Variants in SIK2 observed in about 807,000 individuals in gnomAD.
The protein encoded by SIK2 is serine/threonine-protein kinase SIK2.
SIK2 carries 29 observed loss-of-function variants against 103.2 expected under a neutral mutation model. That is an observed-to-expected ratio of 0.28 (90% CI 0.21 to 0.38). The LOEUF (loss-of-function observed/expected upper bound fraction) is 0.38. SIK2 is among the 10% of genes least tolerant of loss of function. SIK2 has a pLI of 1.00. For missense variants in SIK2, 879 were observed against 1,171.0 expected (o/e 0.75, Z 3.64); for synonymous variants, 412 against 446.1 (o/e 0.92, Z 0.96).
chr11:111,671,624 C>T (rs1942628753), intron 3 of SIK2: 3 of 348,030 alleles, frequency 8.6e-6, no homozygotes, highest in Non-Finnish European at 1.7e-5. Flanking sequence ...CTGTCCATGT[C>T]CAGGGAGCAG....
In SIK2 at chr11:111,728,716, C is replaced by G. The variant is rs558324121; in HGVS notation, c.*4587C>G. On this transcript the variant is annotated 3_prime_UTR_variant, in exon 15 of 15. Coordinates refer to ENST00000304987, the MANE Select transcript of SIK2 (RefSeq NM_015191.3). ...GGCCAAGGCAGGCGGATCACGAGGTCAGGAGATTGAGACCATCCTAACACA... is the reference window on the plus strand; with the variant it reads ...GGCCAAGGCAGGCGGATCACGAGGTGAGGAGATTGAGACCATCCTAACACA... 3 of 152,286 alleles carry G rather than the reference C, an allele frequency of 2.0e-5. No individual in the cohort carries two copies. In the South Asian group the frequency reaches 6.2e-4, roughly 32 times the overall value. The allele number at this position is 152,286 out of a possible 1,614,324, so 9.4% of individuals were successfully genotyped here.
chr11:111,708,916 C>T (rs1241047098), intron 8 of SIK2, among the ~76,000 whole-genome samples: 8 of 152,154 alleles, frequency 5.3e-5, no homozygotes, highest in Admixed American at 2.0e-4. Flanking sequence ...GGCCTAACCA[C>T]TTGTTTTTAA....
intron 4 of SIK2, among the ~76,000 whole-genome samples, chr11:111,692,269 T>G (rs967770823): frequency 9.8e-5 from 14 of 142,146 alleles, no homozygotes; most frequent in African/African-American, 3.7e-4. Context: ...GAGAATTGCT[T>G]GAACCCAGGA....
intron 3 of SIK2, among the ~76,000 whole-genome samples, chr11:111,661,324 G>C (rs1942464701): frequency 6.6e-6 from 1 of 152,192 alleles, no homozygotes; most frequent in African/African-American, 2.4e-5. Context: ...TGCTAACAGA[G>C]AGAAGCCACA....
intron 4 of SIK2, among the ~76,000 whole-genome samples, chr11:111,691,077 C>A (rs1942932203): frequency 6.6e-6 from 1 of 152,176 alleles, no homozygotes; most frequent in Non-Finnish European, 1.5e-5. Context: ...CAGAATATTG[C>A]TTTGACGTTA....
chr11:111,705,144 T>C lies in SIK2; in HGVS notation c.1101+5T>C. The C allele has an allele frequency of 6.4e-7, 1 of 1,560,834 alleles. No homozygotes were observed. Among genetic ancestry groups the C allele is most frequent in the Non-Finnish European group, 8.6e-7 (1 of 1,163,082 alleles). On this transcript the variant is annotated splice_donor_5th_base_variant and intron_variant, in intron 8 of 14. Transcript: ENST00000304987. The surrounding 1 kb of genome is among the most constrained non-coding windows in gnomAD (Gnocchi z 4.3). ...GCTGAGCAAACAGTTGCCAAGGTAA[T>C]GCCCCCTTAGCTGAGAGTCTTATCT...
intron 4 of SIK2, among the ~76,000 whole-genome samples, chr11:111,692,388 A>AAAAAAAAAAAAAC (rs1942967737): frequency 9.0e-6 from 1 of 110,914 alleles, no homozygotes. Flanking sequence ...AAAAAAAAAA[A>AAAAAAAAAAAAAC]CACAAAAAGG....
intron 3 of SIK2, among the ~76,000 whole-genome samples, chr11:111,675,409 A>C (rs1942690188): frequency 6.6e-6 from 1 of 152,212 alleles, no homozygotes; most frequent in African/African-American, 2.4e-5. Context: ...CAGTATTTCA[A>C]CCCTGTCAAT....
Position 111,725,611 on chromosome 11 carries a change from G to GTGTT in SIK2, c.*1483_*1486dup, listed in dbSNP as rs2135985393. The GTGTT allele has an allele frequency of 6.5e-6, 1 of 152,804 alleles. No individual in the cohort carries two copies. Among genetic ancestry groups the GTGTT allele is most frequent in the East Asian group, 1.9e-4 (1 of 5,190 alleles). 9.5% of individuals were successfully genotyped at this position (152,804 alleles called of 1,614,324 possible). ...TGGCTTGTCCCATCAGCAGATGAAT[G>GTGTT]TGTTAAGCACAAAGCATCTTCCTTA... is the stretch of plus-strand genomic sequence containing the variant. On this transcript the variant is annotated 3_prime_UTR_variant, in exon 15 of 15. Transcript: ENST00000304987.
chr11:111,611,692 G>T (rs1051827642), intron 1 of SIK2, among the ~76,000 whole-genome samples: 3 of 152,012 alleles, frequency 2.0e-5, no homozygotes, highest in African/African-American at 7.2e-5. Context: ...TAAATTTATT[G>T]AAAGTTTTTT....
intron 9 of SIK2, among the ~76,000 whole-genome samples, chr11:111,713,416 CTT>C (rs1398156010): frequency 1.3e-5 from 2 of 152,152 alleles, no homozygotes; most frequent in African/African-American, 2.4e-5. Flanking sequence ...TAACAAAACT[CTT>C]TGAACCTCAG....
intron 3 of SIK2, among the ~76,000 whole-genome samples, chr11:111,633,824 C>T (rs1458947647): frequency 2.0e-5 from 3 of 152,138 alleles, no homozygotes. Context: ...CTTGGTCTGG[C>T]AGCATGGAAT....
intron 3 of SIK2, among the ~76,000 whole-genome samples, chr11:111,633,748 A>G (rs1942068999): frequency 6.6e-6 from 1 of 152,180 alleles, no homozygotes; most frequent in Non-Finnish European, 1.5e-5. Flanking sequence ...TATGCATTTA[A>G]CCTGGGTAAC....
At position 111,726,215 on chromosome 11, in the gene SIK2, G is replaced by T. The variant is rs1037558208; in HGVS notation, c.*2086G>T. 2.6e-5 allele frequency: 4 copies of T among 152,198 alleles called. No homozygotes were observed. The highest frequency in any genetic ancestry group is 9.7e-5 in the African/African-American group (4 of 41,444). 9.4% of individuals were successfully genotyped at this position (152,198 alleles called of 1,614,324 possible). Reference sequence around the variant, plus strand: ...ATTAAAATGCCTGCAGATTGAAAATGGGGGCCACTCATTTCAGAACTGCAG... The same window carrying T: ...ATTAAAATGCCTGCAGATTGAAAATTGGGGCCACTCATTTCAGAACTGCAG... On this transcript the variant is annotated 3_prime_UTR_variant, in exon 15 of 15. Coordinates refer to ENST00000304987, the MANE Select transcript of SIK2 (RefSeq NM_015191.3).
chr11:111,602,497 A>G lies in SIK2; in HGVS notation c.-67A>G. On this transcript the variant is annotated 5_prime_UTR_variant, in exon 1 of 15. Transcript: ENST00000304987. The surrounding 1 kb of genome is among the most constrained non-coding windows in gnomAD (Gnocchi z 4.5). The stretch of plus-strand genomic sequence containing the variant: ...AAGCGGAGCGGCCGTCGCCCAAGCC[A>G]AGCCGCGCTGCCAACCCTCCCGCCC... 2.1e-6 allele frequency: 3 copies of G among 1,399,588 alleles called. No individual in the cohort carries two copies. The highest frequency in any genetic ancestry group is 2.8e-6 in the Non-Finnish European group (3 of 1,078,950). The allele number at this position is 1,399,588 out of a possible 1,614,324, so 86.7% of individuals were successfully genotyped here.
In SIK2 at chr11:111,727,258, G is replaced by T; in HGVS notation, c.*3129G>T. 1.7e-6 allele frequency: 1 copy of T among 597,560 alleles called. No homozygotes were observed. Among genetic ancestry groups the T allele is most frequent in the Non-Finnish European group, 3.0e-6 (1 of 335,170 alleles). The allele number at this position is 597,560 out of a possible 1,614,324, so 37.0% of individuals were successfully genotyped here. ...GGGAGAGCATCAGGGCCCACCAGGG[G>T]AGTGGGGATGGGGCTCAGGGGCTGT... On this transcript the variant is annotated 3_prime_UTR_variant, in exon 15 of 15. Transcript: ENST00000304987.
At chr11:111,642,074 C>T (rs1290762749) in intron 3 of SIK2, among the ~76,000 whole-genome samples, 2 of 152,208 alleles carry the variant, frequency 1.3e-5, no homozygotes, top group Non-Finnish European at 2.9e-5. Flanking sequence ...TGTTTTCCTA[C>T]ACTTTTGCCA....
chr11:111,644,490 C>T (rs917834798), intron 3 of SIK2, among the ~76,000 whole-genome samples: 1 of 151,878 alleles, frequency 6.6e-6, no homozygotes, highest in Non-Finnish European at 1.5e-5. Context: ...CTGCATCCCA[C>T]CTTTCAACTG....
intron 10 of SIK2, 127 bp downstream of exon 10, chr11:111,720,130 G>T: frequency 1.1e-6 from 1 of 930,140 alleles, no homozygotes. Flanking sequence ...TTATGGATTA[G>T]ATTCAGCAGG....
Sources: allele counts gnomAD v4.1 joint callset (sites outside exome capture counted in the v4.1 genomes callset), GRCh38; gene constraint gnomAD v4.1.1; non-coding constraint Gnocchi (gnomAD v3.1); transcripts MANE v1.5; gene names NCBI Gene and HGNC (gene_info 2026-07-23, HGNC 2026-07-21).